ARHGAP29: variants seen among roughly 807,000 people sequenced by gnomAD.
The protein encoded by ARHGAP29 is rho GTPase-activating protein 29.
In ARHGAP29, 43 loss-of-function variants were observed where a neutral mutation model predicts 122.6. The observed-to-expected ratio is 0.35, with a 90% CI of 0.27 to 0.45. The LOEUF (loss-of-function observed/expected upper bound fraction) is 0.45, where lower values mean the gene tolerates loss of function less well. ARHGAP29 is among the 20% of genes least tolerant of loss of function. The pLI is 1.00. For missense variants in ARHGAP29, 1,303 were observed against 1,477.2 expected (o/e 0.88, Z 1.93); for synonymous variants, 506 against 497.1 (o/e 1.02, Z -0.24).
intron 1 of ARHGAP29, chr1:94,248,081 A>G (rs979061927): frequency 2.6e-5 from 4 of 152,246 alleles, no homozygotes; most frequent in Non-Finnish European, 5.9e-5. Flanking sequence ...TCAGGTGTTC[A>G]ACTTGTTTTG....
At chr1:94,218,908 C>T (rs1022393139) in intron 3 of ARHGAP29, among the ~76,000 whole-genome samples, 3 of 152,114 alleles carry the variant, frequency 2.0e-5, no homozygotes, top group Non-Finnish European at 4.4e-5. Context: ...AAATATGATC[C>T]TGTTCACCAA....
At chr1:94,276,173 A>T (rs2100741520), upstream of ARHGAP29, among the ~76,000 whole-genome samples, 1 of 152,084 alleles carries the variant, frequency 6.6e-6, no homozygotes, top group East Asian at 1.9e-4. Flanking sequence ...CACGAGAATC[A>T]TTTGAACCTG....
At chr1:94,257,409 A>AC (rs1293042634) in intron 1 of ARHGAP29, among the ~76,000 whole-genome samples, 1 of 151,028 alleles carries the variant, frequency 6.6e-6, no homozygotes, top group African/African-American at 2.4e-5. Context: ...TCAAAAAACA[A>AC]CAAAAAAAAG....
chr1:94,296,615 C>T, the ARHGAP29 span, among the ~76,000 whole-genome samples: 1 of 152,168 alleles, frequency 6.6e-6, no homozygotes, highest in African/African-American at 2.4e-5. Flanking sequence ...AAGTACCTTG[C>T]TGGGGCTTCC....
chr1:94,177,644 T>G lies in ARHGAP29; in HGVS notation c.2873A>C (p.Asn958Thr), dbSNP rs771607170. The change falls in exon 22 of 23, where the codon AAT becomes ACT. Residue 958 changes from asparagine to threonine, a missense_variant. This residue lies in a region of ARHGAP29 where 620 missense variants were observed against 651.2 expected (regional missense o/e 0.95). Coordinates refer to ENST00000260526, the MANE Select transcript of ARHGAP29 (RefSeq NM_004815.4). The part of the protein sequence containing the change: ...TSFEESERKQ[N>T]ALGKCDACLS... ...ACATGCATCACATTTTCCTAACGCA[T>G]TTTGCTTGCGTTCTGATTCCTCAAA... 2 of 1,613,248 alleles carry G rather than the reference T, an allele frequency of 1.2e-6. No individual in the cohort carries two copies. The highest frequency in any genetic ancestry group is 1.7e-5 in the Admixed American group (1 of 59,902).
intron 2 of ARHGAP29, among the ~76,000 whole-genome samples, chr1:94,220,895 T>C (rs763017308): frequency 3.3e-5 from 5 of 152,156 alleles, no homozygotes; most frequent in East Asian, 1.9e-4. Context: ...TGATGAAAAA[T>C]TGAAGGATCA....
intron 1 of ARHGAP29, among the ~76,000 whole-genome samples, chr1:94,253,647 C>T (rs1201213515): frequency 6.6e-6 from 1 of 150,786 alleles, no homozygotes; most frequent in Non-Finnish European, 1.5e-5. Flanking sequence ...CACGCACGCA[C>T]GCACGCACGC....
chr1:94,204,050 A>G (rs1468385122), intron 7 of ARHGAP29, 56 bp from the exon 8 acceptor site: 3 of 1,375,376 alleles, frequency 2.2e-6, no homozygotes, highest in Non-Finnish European at 3.1e-6. Flanking sequence ...TTCCCCCTGT[A>G]TACTCTAAAA....
At chr1:94,288,311 G>C in the ARHGAP29 span, among the ~76,000 whole-genome samples, 2 of 152,144 alleles carry the variant, frequency 1.3e-5, no homozygotes, top group Non-Finnish European at 2.9e-5. Context: ...AGAAGTGTCT[G>C]TTCGTATCCT....
At chr1:94,205,540 C>T in intron 6 of ARHGAP29, 95 bp downstream of exon 6, 4 of 1,166,850 alleles carry the variant, frequency 3.4e-6, no homozygotes, top group Non-Finnish European at 5.0e-6. Context: ...AAAATGAATA[C>T]ACTAGGTTAC....
At chr1:94,307,326 G>A in the ARHGAP29 span, among the ~76,000 whole-genome samples, 1 of 152,110 alleles carries the variant, frequency 6.6e-6, no homozygotes, top group Non-Finnish European at 1.5e-5. Context: ...GTTTCATATT[G>A]TCATTTTCTT....
At chr1:94,226,019 CCA>C (rs1652590656) in intron 2 of ARHGAP29, among the ~76,000 whole-genome samples, 1 of 151,794 alleles carries the variant, frequency 6.6e-6, no homozygotes, top group African/African-American at 2.4e-5. Flanking sequence ...TAACAAAATA[CCA>C]CAGTGTTTAT....
At chr1:94,247,719 CA>C in intron 1 of ARHGAP29, 1 of 782,982 alleles carries the variant, frequency 1.3e-6, no homozygotes, top group Non-Finnish European at 1.6e-6. Flanking sequence ...CCACCACCAC[CA>C]CCACAGCGGC....
rs115962631 is a variant in ARHGAP29, at chr1:94,260,623, G to A, written c.-33+14389C>T. Among the ~76,000 whole-genome samples, 324 of 152,294 alleles carry A rather than the reference G, an allele frequency of 2.1e-3. 1 individual carries two copies. Among genetic ancestry groups the A allele is most frequent in the African/African-American group, 7.5e-3 (313 of 41,552 alleles). On this transcript the variant is annotated intron_variant and NMD_transcript_variant, in intron 1 of 25. Coordinates refer to the ARHGAP29 transcript ENST00000552844. ...GAGAGTTTAAATAGAATGCTTTGTA[G>A]GGGTATGGGGGACTTGCTGTTGGTA...
intron 7 of ARHGAP29, 72 bp downstream of exon 7, chr1:94,204,989 A>T: frequency 7.3e-7 from 1 of 1,363,866 alleles, no homozygotes; most frequent in Non-Finnish European, 9.8e-7. Context: ...TATTACTCAT[A>T]ATCTGTAAAA....
Position 94,184,908 on chromosome 1 carries a change from A to G in ARHGAP29, c.2073T>C (p.Cys691=). Residue 691 remains cysteine, a synonymous_variant, in exon 18 of 23, where the codon TGT becomes TGC. Transcript: ENST00000260526. ...AAGCTCTATTTTCAATCTCTGAGGC[A>G]CATATTTTGAGTATAAAAGGGATAC... ...PDGIPFILKI[C]ASEIENRALC... The G allele has an allele frequency of 6.2e-7, 1 of 1,607,974 alleles. No individual in the cohort carries two copies. The highest frequency in any genetic ancestry group is 8.5e-7 in the Non-Finnish European group (1 of 1,178,132).
intron 1 of ARHGAP29, 123 bp from the exon 2 acceptor site, chr1:94,231,766 C>T (rs1652932004): frequency 1.5e-6 from 1 of 675,872 alleles, no homozygotes; most frequent in African/African-American, 1.8e-5. Context: ...CCTTGGTATC[C>T]TATTTTTAAA....
intron 1 of ARHGAP29, among the ~76,000 whole-genome samples, chr1:94,242,838 G>A (rs925051310): frequency 6.6e-6 from 1 of 151,940 alleles, no homozygotes; most frequent in Non-Finnish European, 1.5e-5. Flanking sequence ...GAAATATAAT[G>A]ACACAGATAC....
chr1:94,229,226 T>C lies in ARHGAP29; in HGVS notation c.205+2181A>G, dbSNP rs1652790008. ...AGACAAAAAGCAGGGCTCATGACTA[T>C]AGGGATACATGTAATAATACCATCT... On this transcript the variant is annotated intron_variant, in intron 2 of 22. Transcript: ENST00000260526. Among the ~76,000 whole-genome samples, 3 of 151,930 alleles carry C rather than the reference T, an allele frequency of 2.0e-5. No individual in the cohort carries two copies. In the South Asian group the frequency reaches 6.2e-4, roughly 31 times the overall value.
Sources: gnomAD v4.1 joint callset for allele counts (sites outside exome capture counted in the v4.1 genomes callset) on GRCh38, gnomAD v4.1.1 for gene constraint, gnomAD v4.1.1 regional missense constraint, MANE v1.5 for transcripts, NCBI Gene and HGNC (gene_info 2026-07-23, HGNC 2026-07-21) for gene names.